Variants in PC observed in about 807,000 individuals in gnomAD.
PC encodes the protein pyruvate carboxylase, mitochondrial.
In PC, 46 loss-of-function variants were observed where a neutral mutation model predicts 107.8. That is an observed-to-expected ratio of 0.43 (90% confidence interval 0.34 to 0.55). PC has a LOEUF of 0.55. PC is among the 20% of genes least tolerant of loss of function. The pLI, the probability that PC is intolerant of heterozygous loss-of-function variation, is 0.04. For synonymous variants in PC, 662 were observed against 684.7 expected (o/e 0.97, Z 0.52); for missense variants, 1,241 against 1,643.1 (o/e 0.76, Z 4.23).
chr11:66,925,295 C>G (rs150327511), intron 3 of PC, among the ~76,000 whole-genome samples: 105 of 152,190 alleles, frequency 6.9e-4, no homozygotes, highest in African/African-American at 2.5e-3. Flanking sequence ...GGGAGCTCTA[C>G]GGGAGACTGG....
intron 10 of PC, among the ~76,000 whole-genome samples, chr11:66,868,103 C>G (rs1380500082): frequency 2.0e-5 from 3 of 152,254 alleles, no homozygotes; most frequent in Non-Finnish European, 4.4e-5. Context: ...AGTGCCACCT[C>G]TCTAGAGGGC....
intron 3 of PC, among the ~76,000 whole-genome samples, chr11:66,921,747 A>G (rs542234951): frequency 1.3e-5 from 2 of 152,200 alleles, no homozygotes; most frequent in African/African-American, 4.8e-5. Flanking sequence ...GTAAGTAGAG[A>G]TAATACATGA....
chr11:66,853,114 G>C, intron 13 of PC, 125 bp downstream of exon 13: 2 of 1,091,230 alleles, frequency 1.8e-6, no homozygotes, highest in African/African-American at 1.5e-5. Flanking sequence ...CCAGAATGAG[G>C]GCAGGGGTGA....
In PC at chr11:66,858,804, A is replaced by T; in HGVS notation, c.1368+4970T>A. 1 of 1,549,792 alleles carries T rather than the reference A, an allele frequency of 6.5e-7. No individual in the cohort carries two copies. Among genetic ancestry groups the T allele is most frequent in the Non-Finnish European group, 8.7e-7 (1 of 1,147,652 alleles). ...CGCTGGGGGCTACACCTGCATCGCC[A>T]CCAACCCTGCTGGTGAGGCCACAGC... On this transcript the variant is annotated intron_variant, in intron 12 of 22. Transcript: ENST00000393960. The surrounding 1 kb of genome is among the most constrained non-coding windows in gnomAD (Gnocchi z 5.9).
intron 3 of PC, among the ~76,000 whole-genome samples, chr11:66,941,679 A>G (rs1252639244): frequency 1.3e-5 from 2 of 152,068 alleles, no homozygotes; most frequent in African/African-American, 4.8e-5. Context: ...TTTTTAGTAG[A>G]GACGGGGTTT....
At chr11:66,904,511 G>A (rs937362990) in intron 3 of PC, among the ~76,000 whole-genome samples, 12 of 152,148 alleles carry the variant, frequency 7.9e-5, no homozygotes, top group Non-Finnish European at 1.8e-4. Flanking sequence ...GGTGGCATGC[G>A]CCTGTAGTCC....
At chr11:66,905,327 G>A (rs1333583143) in intron 3 of PC, among the ~76,000 whole-genome samples, 2 of 152,216 alleles carry the variant, frequency 1.3e-5, no homozygotes, top group African/African-American at 2.4e-5. Flanking sequence ...AACGCCTGCT[G>A]TGTGAGTGCA....
At chr11:66,880,480 C>T (rs115029245) in intron 3 of PC, among the ~76,000 whole-genome samples, 2 of 152,152 alleles carry the variant, frequency 1.3e-5, no homozygotes, top group African/African-American at 2.4e-5. Context: ...TGGTGACCCT[C>T]GGAAGTGGCA....
intron 3 of PC, among the ~76,000 whole-genome samples, chr11:66,940,575 C>T (rs1949105686): frequency 6.6e-6 from 1 of 151,790 alleles, no homozygotes; most frequent in African/African-American, 2.4e-5. Flanking sequence ...AAAAATACAG[C>T]TACAAGGGAG....
chr11:66,869,471 C>A (rs1316254246), intron 9 of PC, among the ~76,000 whole-genome samples: 1 of 152,082 alleles, frequency 6.6e-6, no homozygotes, highest in Non-Finnish European at 1.5e-5. Context: ...AAATTTCAGC[C>A]CTAATTCCAG....
chr11:66,867,969 A>C (rs779527656), intron 10 of PC, among the ~76,000 whole-genome samples: 3 of 152,272 alleles, frequency 2.0e-5, no homozygotes, highest in Non-Finnish European at 2.9e-5. Flanking sequence ...GCTGGCCCAA[A>C]GCAGCGTCAA....
intron 3 of PC, among the ~76,000 whole-genome samples, chr11:66,919,309 G>A (rs758584826): frequency 1.3e-5 from 2 of 152,100 alleles, no homozygotes; most frequent in Non-Finnish European, 2.9e-5. Flanking sequence ...CCAGCTACTC[G>A]GGAGGCTGAG....
rs1320318568 is a variant in PC at position 66,870,320 on chromosome 11, A to G, written c.885T>C (p.Ser295=). ...CCTTCACCTGTTTAGCGAGTTTCAC[A>G]GAGTCGCTGGTGAGCCGAGTCCGAA... ...PQLRTRLTSD[S]VKLAKQVGYE... is the part of the protein sequence containing the mutation. The change falls in exon 9 of 23, where the codon TCT becomes TCC. Residue 295 remains serine (S), a synonymous_variant. Transcript: ENST00000393960. This position sits in a 1 kb window ranked among gnomAD's most constrained non-coding sequence, Gnocchi z 6.1. 6.2e-7 allele frequency: 1 copy of G among 1,613,362 alleles called. No individual in the cohort carries two copies. The highest frequency in any genetic ancestry group is 1.7e-5 in the Admixed American group (1 of 60,018).
chr11:66,870,458 G>A lies in PC; in HGVS notation c.752-5C>T, dbSNP rs770994083. On this transcript the variant is annotated splice_polypyrimidine_tract_variant and splice_region_variant and intron_variant, in intron 8 of 22. Transcript: ENST00000393960. The surrounding 1 kb of genome is among the most constrained non-coding windows in gnomAD (Gnocchi z 6.1). ...GGATGTTCCCATACTGGTCCCCTGG[G>A]GAGGGAGGTAAACTGGGCTTAGCTT... 79 of 1,612,888 alleles carry A rather than the reference G, an allele frequency of 4.9e-5. No homozygotes were observed. The South Asian group carries it at 6.1e-4, about 13-fold the overall frequency.
intron 3 of PC, among the ~76,000 whole-genome samples, chr11:66,932,928 A>T (rs1282130694): frequency 6.6e-6 from 1 of 152,206 alleles, no homozygotes. Flanking sequence ...AGAAAAACAG[A>T]AACAAGTGTT....
intron 12 of PC, among the ~76,000 whole-genome samples, chr11:66,859,248 C>G (rs984704503): frequency 2.6e-5 from 4 of 152,188 alleles, no homozygotes; most frequent in African/African-American, 9.7e-5. Context: ...GTGGCCTGGC[C>G]TGGCCTGGCT....
At chr11:66,868,603 C>T (rs556675992) in intron 10 of PC, among the ~76,000 whole-genome samples, 1 of 152,202 alleles carries the variant, frequency 6.6e-6, no homozygotes. Flanking sequence ...CAATCGGCAG[C>T]GTCCTGACAG....
chr11:66,866,365 G>A lies in PC; in HGVS notation c.1023-16C>T. On this transcript the variant is annotated splice_polypyrimidine_tract_variant and intron_variant, in intron 10 of 22. Coordinates refer to ENST00000393960, the MANE Select transcript of PC (RefSeq NM_001040716.2). This position sits in a 1 kb window ranked among gnomAD's most constrained non-coding sequence, Gnocchi z 5.4. ...CAGGTCTACGCTGTAGGGCATTGGG[G>A]GGAGGGGGGAAAGGACGGGAGAAAG... 1 of 1,603,518 alleles carries A rather than the reference G, an allele frequency of 6.2e-7. No individual in the cohort carries two copies. Among genetic ancestry groups the A allele is most frequent in the Non-Finnish European group, 8.5e-7 (1 of 1,172,662 alleles).
At chr11:66,878,894 C>T (rs55969935) in intron 3 of PC, among the ~76,000 whole-genome samples, 8,635 of 152,266 alleles carry the variant, frequency 0.057, 362 homozygotes, top group Non-Finnish European at 0.083. Flanking sequence ...GTCCACTGGC[C>T]GGGGGCTGCC....
Sources: allele counts gnomAD v4.1 joint callset (sites outside exome capture counted in the v4.1 genomes callset), GRCh38; gene constraint gnomAD v4.1.1; non-coding constraint Gnocchi (gnomAD v3.1); transcripts MANE v1.5; gene names NCBI Gene and HGNC (gene_info 2026-07-23, HGNC 2026-07-21).